Variants in BRWD1 observed in about 807,000 individuals in gnomAD.
BRWD1 encodes the protein bromodomain and WD repeat domain containing 1.
Under a neutral mutation model 251.2 loss-of-function variants are expected in BRWD1, and 82 were observed. That is an observed-to-expected ratio of 0.33 (90% confidence interval 0.27 to 0.39). BRWD1 has a LOEUF of 0.39. Ranked by LOEUF, BRWD1 falls within the 10% of genes least tolerant of loss-of-function variation. BRWD1 has a pLI of 1.00. For missense variants in BRWD1, 2,233 were observed against 2,711.6 expected (o/e 0.82, Z 3.92); for synonymous variants, 918 against 902.8 (o/e 1.02, Z -0.30).
chr21:39,270,604 G>A (rs573597975), intron 13 of BRWD1, among the ~76,000 whole-genome samples, 171 bp from the exon 14 acceptor site: 2 of 152,288 alleles, frequency 1.3e-5, no homozygotes, highest in East Asian at 1.9e-4. Flanking sequence ...AACAGGTGAG[G>A]GCAAAACCTG....
In BRWD1 at chr21:39,193,002, G is replaced by A. The variant is rs1197712446; in HGVS notation, c.*3257C>T. ...ATTCTAAGTGATAATTTTTACTTACGAGGTCATAACGAGTGCAAAGGGCTT... is the reference window on the plus strand; with the variant it reads ...ATTCTAAGTGATAATTTTTACTTACAAGGTCATAACGAGTGCAAAGGGCTT... On this transcript the variant is annotated 3_prime_UTR_variant, in exon 41 of 41. Coordinates refer to ENST00000342449, the MANE Select transcript of BRWD1 (RefSeq NM_033656.4). The A allele has an allele frequency of 4.9e-5, 48 of 984,908 alleles. 1 individual carries two copies. Among genetic ancestry groups the A allele is most frequent in the Non-Finnish European group, 5.2e-5 (43 of 829,634 alleles). 61.0% of individuals were successfully genotyped at this position (984,908 alleles called of 1,614,324 possible).
intron 18 of BRWD1, among the ~76,000 whole-genome samples, chr21:39,257,543 A>T (rs1450526038): frequency 6.6e-6 from 1 of 152,120 alleles, no homozygotes; most frequent in Non-Finnish European, 1.5e-5. Context: ...TTAAATCCTA[A>T]ATTTTTTTTT....
At position 39,312,869 on chromosome 21, in the gene BRWD1, T is replaced by C. The variant is rs1290093080; in HGVS notation, c.170A>G (p.Asn57Ser). ...LLPKRLDWEG[N>S]EHNRSYEELV... ...CTCCTCGTAGCTCCTGTTGTGCTCG[T>C]TGCCCTCCCAGTCCAATCTCTTCGG... Residue 57 changes from asparagine (N) to serine (S), a missense_variant, in exon 4 of 41, where the codon AAC becomes AGC. Physicochemically the swap from Asn to Ser is conservative, Grantham distance 46. Around this residue, in one of 12 missense-constraint regions of BRWD1, gnomAD observed 101 missense variants for 95.6 expected, o/e 1.06. Coordinates refer to ENST00000342449, the MANE Select transcript of BRWD1 (RefSeq NM_033656.4). The C allele has an allele frequency of 2.0e-6, 3 of 1,536,890 alleles. No individual in the cohort carries two copies. Among genetic ancestry groups the C allele is most frequent in the South Asian group, 1.1e-5 (1 of 88,448 alleles).
intron 4 of BRWD1, among the ~76,000 whole-genome samples, chr21:39,309,769 G>A (rs920588227): frequency 6.8e-6 from 1 of 147,320 alleles, no homozygotes; most frequent in African/African-American, 2.5e-5. Flanking sequence ...AGCTTGCAGT[G>A]AGCCGAGATC....
At chr21:39,254,465 C>T (rs1601394145) in intron 19 of BRWD1, among the ~76,000 whole-genome samples, 2 of 152,122 alleles carry the variant, frequency 1.3e-5, no homozygotes, top group South Asian at 4.1e-4. Flanking sequence ...ATGATTTAAA[C>T]ATCAATAAAG....
At chr21:39,241,889 C>T (rs1382462940) in intron 21 of BRWD1, among the ~76,000 whole-genome samples, 1 of 152,104 alleles carries the variant, frequency 6.6e-6, no homozygotes, top group African/African-American at 2.4e-5. Flanking sequence ...GATTAATGAT[C>T]TTTGATGTTA....
intron 15 of BRWD1, among the ~76,000 whole-genome samples, chr21:39,266,564 G>C (rs2034928699): frequency 2.0e-5 from 3 of 152,186 alleles, no homozygotes. Context: ...AGCACCAAAA[G>C]CTTTTCTATA....
At chr21:39,215,175 T>C in intron 32 of BRWD1, 62 bp downstream of exon 32, 5 of 1,562,058 alleles carry the variant, frequency 3.2e-6, no homozygotes, top group Non-Finnish European at 4.4e-6. Flanking sequence ...CCGGCAAAAC[T>C]AGATGATTGT....
At chr21:39,200,471 A>G (rs1175242372) in intron 38 of BRWD1, 85 bp from the exon 39 acceptor site, 9 of 1,039,998 alleles carry the variant, frequency 8.7e-6, no homozygotes, top group East Asian at 2.7e-5. Flanking sequence ...TACTCTGAAC[A>G]TTACATAACA....
chr21:39,311,766 A>T (rs1227843003), intron 4 of BRWD1, among the ~76,000 whole-genome samples: 4 of 152,342 alleles, frequency 2.6e-5, no homozygotes, highest in Non-Finnish European at 5.9e-5. Context: ...CAAATATTAA[A>T]ATTATTTATT....
Position 39,194,940 on chromosome 21 carries a change from A to ATAT in BRWD1, c.*1316_*1318dup, listed in dbSNP as rs2031734479. On this transcript the variant is annotated 3_prime_UTR_variant, in exon 41 of 41. Transcript: ENST00000342449. ...CTGTAACATATCCCTTACCCACTAA[A>ATAT]TATGTAAACCATTTGAATCAAGTCC... The ATAT allele has an allele frequency of 2.0e-6, 3 of 1,474,220 alleles. No homozygotes were observed. The highest frequency in any genetic ancestry group is 2.8e-5 in the African/African-American group (2 of 71,040). The allele number at this position is 1,474,220 out of a possible 1,614,324, so 91.3% of individuals were successfully genotyped here.
At position 39,275,732 on chromosome 21, in the gene BRWD1, A is replaced by C. The variant is rs554179668; in HGVS notation, c.1145+441T>G. Among the ~76,000 whole-genome samples, 10 of 152,322 alleles carry C rather than the reference A, an allele frequency of 6.6e-5. No homozygotes were observed. The South Asian group carries it at 2.1e-3, about 32-fold the overall frequency. On this transcript the variant is annotated intron_variant, in intron 12 of 40. Transcript: ENST00000342449. ...CATAAACATAGACAATTATTAGTCA[A>C]CTAAAAATAAAAAATAATGGCTGAG...
intron 34 of BRWD1, among the ~76,000 whole-genome samples, chr21:39,211,726 G>A (rs1044543665): frequency 6.6e-5 from 10 of 152,200 alleles, no homozygotes; most frequent in African/African-American, 2.4e-4. Flanking sequence ...AAACACTTGG[G>A]AGTCTAGAAA....
At chr21:39,215,492 A>C in intron 31 of BRWD1, 130 bp from the exon 32 acceptor site, 1 of 744,876 alleles carries the variant, frequency 1.3e-6, no homozygotes. Flanking sequence ...ATAATGAATA[A>C]CCTTCTAATG....
At chr21:39,287,061 C>A (rs1255722008) in intron 8 of BRWD1, among the ~76,000 whole-genome samples, 1 of 152,166 alleles carries the variant, frequency 6.6e-6, no homozygotes, top group Non-Finnish European at 1.5e-5. Flanking sequence ...ATCACTTCAA[C>A]CCTAAAATCC....
At chr21:39,250,922 C>G (rs779212799) in intron 19 of BRWD1, 33 bp from the exon 20 acceptor site, 3 of 1,295,402 alleles carry the variant, frequency 2.3e-6, no homozygotes, top group Non-Finnish European at 3.3e-6. Context: ...ATATTAACTA[C>G]TGAACTGATG....
intron 35 of BRWD1, 142 bp downstream of exon 35, chr21:39,210,644 C>A: frequency 2.2e-6 from 2 of 924,986 alleles, no homozygotes; most frequent in Non-Finnish European, 3.1e-6. Flanking sequence ...AAAAACAATA[C>A]TTCTACCACT....
At position 39,236,737 on chromosome 21, in the gene BRWD1, T is replaced by C. The variant is rs1229488330; in HGVS notation, c.2624A>G (p.Asn875Ser). Reference protein sequence around the residue: ...YSDWTADAGINLQPPLRTSCR... With the variant: ...YSDWTADAGISLQPPLRTSCR... ...TGATGTTCTTAAAGGAGGCTGCAAA[T>C]TGATGCCCGCATCAGCTGTCCAATC... is the stretch of plus-strand genomic sequence containing the variant. The change falls in exon 23 of 41, where the codon AAT becomes AGT. Residue 875 changes from asparagine (N) to serine (S), a missense_variant. Asn to Ser is a conservative substitution (Grantham distance 46, BLOSUM62 1). Coordinates refer to ENST00000342449, the MANE Select transcript of BRWD1 (RefSeq NM_033656.4). 4 of 1,614,040 alleles carry C rather than the reference T, an allele frequency of 2.5e-6. No homozygotes were observed. Among genetic ancestry groups the C allele is most frequent in the Non-Finnish European group, 3.4e-6 (4 of 1,180,028 alleles).
chr21:39,306,194 C>T (rs190796953), intron 4 of BRWD1, among the ~76,000 whole-genome samples: 64 of 151,702 alleles, frequency 4.2e-4, no homozygotes, highest in Non-Finnish European at 6.9e-4. Context: ...CTCAGCCTCC[C>T]GAGTAGCTGG....
Sources: gnomAD v4.1 joint callset for allele counts (sites outside exome capture counted in the v4.1 genomes callset) on GRCh38, gnomAD v4.1.1 for gene constraint, gnomAD v4.1.1 regional missense constraint, MANE v1.5 for transcripts, NCBI Gene and HGNC (gene_info 2026-07-23, HGNC 2026-07-21) for gene names.